Variants in OPRM1 observed in about 807,000 individuals in gnomAD.
OPRM1 encodes the protein opioid receptor mu 1.
Under a neutral mutation model 31.8 loss-of-function variants are expected in OPRM1, and 27 were observed. That is an observed-to-expected ratio of 0.85 (90% CI 0.63 to 1.17). The LOEUF (loss-of-function observed/expected upper bound fraction) is 1.17, where lower values mean the gene tolerates loss of function less well. OPRM1 is among the 50% of genes most tolerant of loss of function. The probability of loss-of-function intolerance (pLI) is 0.00; values close to 1 mark genes in which losing one functional copy is unlikely to be tolerated. For missense variants in OPRM1, 536 were observed against 511.1 expected, an observed-to-expected ratio of 1.05 and a Z score of -0.47; for synonymous variants, 196 against 189.9, an observed-to-expected ratio of 1.03 and a Z score of -0.26.
rs1562491270 is a variant in OPRM1 at position 154,121,550 on chromosome 6, C to T, written c.*2829C>T. On this transcript the variant is annotated 3_prime_UTR_variant, in exon 4 of 4. Coordinates refer to ENST00000330432, the MANE Select transcript of OPRM1 (RefSeq NM_000914.5). The stretch of plus-strand genomic sequence containing the variant: ...ATGAGTAGGTAAGAGAGCATTCATT[C>T]CCTTCAATAATATGACTGTGTTGAT... Among the ~76,000 whole-genome samples, 2 of 152,170 alleles carry T rather than the reference C, an allele frequency of 1.3e-5. No individual in the cohort carries two copies. Among genetic ancestry groups the T allele is most frequent in the South Asian group, 2.1e-4 (1 of 4,822 alleles).
At chr6:154,103,621 C>A (rs2058463195) in intron 3 of OPRM1, among the ~76,000 whole-genome samples, 1 of 152,080 alleles carries the variant, frequency 6.6e-6, no homozygotes. Context: ...AATAGCTACT[C>A]CATAGAGCAG....
chr6:154,246,539 A>C, intron 3 of OPRM1: 9 of 1,554,860 alleles, frequency 5.8e-6, no homozygotes, highest in Non-Finnish European at 7.0e-6. Context: ...TGATGCCTTT[A>C]ACGTATCCCT....
In OPRM1 at chr6:154,141,625, C is replaced by T. The variant is rs140810048; in HGVS notation, c.1164+50153C>T. Among the ~76,000 whole-genome samples, 822 of 152,260 alleles carry T rather than the reference C, an allele frequency of 5.4e-3. 11 individuals carry two copies. The highest frequency in any genetic ancestry group is 0.033 in the East Asian group (173 of 5,178). On this transcript the variant is annotated intron_variant, in intron 3 of 3. Coordinates refer to the OPRM1 transcript ENST00000337049. ...TTTGGTTTTATACATTTTTGGGAGA[C>T]GTGAGACATCAATCAACATATGTAA...
intron 3 of OPRM1, among the ~76,000 whole-genome samples, chr6:154,241,885 C>T (rs952927021): frequency 3.9e-5 from 6 of 152,204 alleles, no homozygotes; most frequent in African/African-American, 1.4e-4. Context: ...GTCCCCCATT[C>T]ACTGGCCCTA....
chr6:154,123,720 G>A lies in OPRM1; in HGVS notation c.*4999G>A, dbSNP rs1046730733. On this transcript the variant is annotated 3_prime_UTR_variant, in exon 4 of 4. Coordinates refer to ENST00000330432, the MANE Select transcript of OPRM1 (RefSeq NM_000914.5). ...TCTTCCCCTTTTAAGACCGCATAGG[G>A]CAACTTCCTGACATTGCCATGGCAT... is the stretch of plus-strand genomic sequence containing the variant. Among the ~76,000 whole-genome samples the A allele has an allele frequency of 3.3e-5, 5 of 152,144 alleles. No homozygotes were observed. Among genetic ancestry groups the A allele is most frequent in the African/African-American group, 1.2e-4 (5 of 41,438 alleles).
downstream of OPRM1, among the ~76,000 whole-genome samples, chr6:154,132,898 G>A (rs1314451452): frequency 6.6e-6 from 1 of 152,066 alleles, no homozygotes; most frequent in Non-Finnish European, 1.5e-5. Context: ...GAGGTGGGTG[G>A]ATCACGAAGT....
chr6:154,014,771 T>G (rs1777913612), intron 1 of OPRM1, among the ~76,000 whole-genome samples: 1 of 152,112 alleles, frequency 6.6e-6, no homozygotes, highest in South Asian at 2.1e-4. Context: ...TGTATCCCCA[T>G]GCAGAAATGA....
Position 154,084,949 on chromosome 6 carries a change from CACAT to C in OPRM1, c.291-4876_291-4873del, listed in dbSNP as rs1195158373. On this transcript the variant is annotated intron_variant, in intron 1 of 3. Transcript: ENST00000330432. ...ACACACACACACACACACACACACA[CACAT>C]GCTGGATTCTAAAATGTGTCCTTCC... Among the ~76,000 whole-genome samples, 445 of 147,788 alleles carry C rather than the reference CACAT, an allele frequency of 3.0e-3. 2 individuals are homozygous for C. The highest frequency in any genetic ancestry group is 9.8e-3 in the African/African-American group (387 of 39,618).
chr6:154,039,496 G>A lies in OPRM1; in HGVS notation c.-49G>A, dbSNP rs1303654718. ...AGGCGCTTGGAACCCGAAAAGTCTC[G>A]GTGCTCCTGGCTACCTCGCACAGCG... On this transcript the variant is annotated 5_prime_UTR_variant, in exon 1 of 4. Transcript: ENST00000330432. 1 of 1,570,750 alleles carries A rather than the reference G, an allele frequency of 6.4e-7. No individual in the cohort carries two copies. Among genetic ancestry groups the A allele is most frequent in the South Asian group, 1.2e-5 (1 of 85,716 alleles).
chr6:154,204,058 TTAAG>T (rs1355990357), intron 3 of OPRM1, among the ~76,000 whole-genome samples: 2 of 152,218 alleles, frequency 1.3e-5, no homozygotes, highest in African/African-American at 4.8e-5. Flanking sequence ...CACTTAGGTA[TTAAG>T]TATTTTATAT....
intron 1 of OPRM1, among the ~76,000 whole-genome samples, chr6:154,020,736 T>C (rs1778317814): frequency 6.6e-6 from 1 of 152,210 alleles, no homozygotes; most frequent in South Asian, 2.1e-4. Flanking sequence ...GCCATTCTAA[T>C]ATGTATTTAG....
At chr6:154,074,897 G>C (rs1483165966) in intron 1 of OPRM1, among the ~76,000 whole-genome samples, 1 of 152,068 alleles carries the variant, frequency 6.6e-6, no homozygotes, top group Non-Finnish European at 1.5e-5. Context: ...ATCTATTAAA[G>C]GTAGAGAACA....
intron 3 of OPRM1, among the ~76,000 whole-genome samples, chr6:154,094,897 G>A (rs79659278): frequency 0.016 from 2,373 of 152,316 alleles, 29 homozygotes; most frequent in Non-Finnish European, 0.024. Flanking sequence ...CTAACAATCC[G>A]TAGTAAGGAC....
At chr6:154,157,469 TCTTGA>T (rs1798762368) in intron 3 of OPRM1, 1 of 152,238 alleles carries the variant, frequency 6.6e-6, no homozygotes, top group Non-Finnish European at 1.5e-5. Context: ...AGGCTAATGT[TCTTGA>T]CTTTGAAAAA....
chr6:154,246,571 G>A (rs1324849700), intron 3 of OPRM1: 1 of 1,598,306 alleles, frequency 6.3e-7, no homozygotes, highest in Non-Finnish European at 8.5e-7. Context: ...CTGGGAATAG[G>A]AGGAAGAAAG....
intron 1 of OPRM1, among the ~76,000 whole-genome samples, chr6:154,083,017 C>T (rs569154330): frequency 1.3e-5 from 2 of 152,200 alleles, no homozygotes; most frequent in East Asian, 3.9e-4. Flanking sequence ...TTTATATAAA[C>T]TTCTGATACG....
chr6:154,019,073 C>T (rs2128379920), intron 1 of OPRM1, among the ~76,000 whole-genome samples: 1 of 151,906 alleles, frequency 6.6e-6, no homozygotes, highest in Non-Finnish European at 1.5e-5. Context: ...AAATCGAGCA[C>T]CCAACCTCTC....
intron 1 of OPRM1, among the ~76,000 whole-genome samples, chr6:154,061,617 A>G (rs1287819831): frequency 3.9e-5 from 6 of 152,106 alleles, no homozygotes; most frequent in Admixed American, 6.6e-5. Flanking sequence ...AGAGCTAAAC[A>G]TTGAGTACAC....
chr6:154,119,619 C>A lies in OPRM1; in HGVS notation c.*898C>A, dbSNP rs1039439295. On this transcript the variant is annotated 3_prime_UTR_variant, in exon 4 of 4. Transcript: ENST00000330432. ...CTGCAGGCTCCCCACATATTATTTT[C>A]TTTTTTTAACTCAGCTCAGAATCCT... 2.6e-5 allele frequency among the ~76,000 whole-genome samples: 4 copies of A among 152,106 alleles called. No individual in the cohort carries two copies. Among genetic ancestry groups the A allele is most frequent in the African/African-American group, 9.7e-5 (4 of 41,432 alleles).
Sources: gnomAD v4.1 joint callset for allele counts (sites outside exome capture counted in the v4.1 genomes callset) on GRCh38, gnomAD v4.1.1 for gene constraint, MANE v1.5 for transcripts, NCBI Gene and HGNC (gene_info 2026-07-23, HGNC 2026-07-21) for gene names.